PTPRZ1: variants seen among roughly 807,000 people sequenced by gnomAD.
The protein encoded by PTPRZ1 is receptor-type tyrosine-protein phosphatase zeta.
In PTPRZ1, 82 loss-of-function variants were observed where a neutral mutation model predicts 214.1. The ratio of observed to expected loss-of-function variants is 0.38; its 90% CI spans 0.32 to 0.46. The LOEUF (loss-of-function observed/expected upper bound fraction) is 0.46, where lower values mean the gene tolerates loss of function less well. Ranked by LOEUF, PTPRZ1 falls within the 20% of genes least tolerant of loss-of-function variation. The pLI, the probability that PTPRZ1 is intolerant of heterozygous loss-of-function variation, is 1.00. For missense variants in PTPRZ1, 2,603 were observed against 2,748.7 expected, an observed-to-expected ratio of 0.95 and a Z score of 1.19; for synonymous variants, 945 against 987.9, an observed-to-expected ratio of 0.96 and a Z score of 0.81.
chr7:122,034,957 T>A (rs529385157), intron 17 of PTPRZ1, among the ~76,000 whole-genome samples: 1 of 152,282 alleles, frequency 6.6e-6, no homozygotes, highest in East Asian at 1.9e-4. Context: ...TATTTCTCTA[T>A]GAAATTATTG....
intron 10 of PTPRZ1, among the ~76,000 whole-genome samples, chr7:122,004,408 A>G (rs924296929): frequency 2.6e-5 from 4 of 152,158 alleles, no homozygotes; most frequent in African/African-American, 9.7e-5. Context: ...GTAGAGTTAC[A>G]TATAAGCTCA....
intron 13 of PTPRZ1, 116 bp from the exon 14 acceptor site, chr7:122,028,436 T>A: frequency 1.5e-6 from 1 of 680,066 alleles, no homozygotes; most frequent in East Asian, 2.8e-5. Flanking sequence ...CTCTTCTGGG[T>A]ATATACCTGC....
intron 1 of PTPRZ1, among the ~76,000 whole-genome samples, chr7:121,920,518 C>A (rs908357337): frequency 6.6e-6 from 1 of 151,822 alleles, no homozygotes; most frequent in South Asian, 2.1e-4. Flanking sequence ...TGTCTCTGTT[C>A]CTATTATCAC....
At chr7:122,006,642 GA>G (rs970319957) in intron 11 of PTPRZ1, among the ~76,000 whole-genome samples, 5 of 151,964 alleles carry the variant, frequency 3.3e-5, no homozygotes, top group Admixed American at 2.0e-4. Flanking sequence ...AACACAAGCA[GA>G]TCTTCCTGTT....
At chr7:121,888,963 A>G (rs949802992) in intron 1 of PTPRZ1, among the ~76,000 whole-genome samples, 1 of 152,138 alleles carries the variant, frequency 6.6e-6, no homozygotes, top group African/African-American at 2.4e-5. Flanking sequence ...CTTCTGCAGG[A>G]CTTAATTTGG....
intron 8 of PTPRZ1, among the ~76,000 whole-genome samples, chr7:121,985,426 T>C (rs1167432155): frequency 6.6e-6 from 1 of 152,218 alleles, no homozygotes; most frequent in Non-Finnish European, 1.5e-5. Context: ...TGGAATAAAG[T>C]TCAAACTGCT....
intron 1 of PTPRZ1, among the ~76,000 whole-genome samples, chr7:121,893,009 A>G (rs144953732): frequency 6.6e-5 from 10 of 152,170 alleles, no homozygotes; most frequent in African/African-American, 2.4e-4. Context: ...CAAATTTTTA[A>G]CATTTTATTT....
chr7:121,997,806 C>T, intron 9 of PTPRZ1, 74 bp from the exon 10 acceptor site: 2 of 1,360,164 alleles, frequency 1.5e-6, no homozygotes, highest in Non-Finnish European at 2.0e-6. Flanking sequence ...AAAAAGTTTT[C>T]TAGGAAAGAT....
At chr7:122,000,654 T>C (rs1336524796) in intron 10 of PTPRZ1, among the ~76,000 whole-genome samples, 3 of 9,026 alleles carry the variant, frequency 3.3e-4, no homozygotes, top group African/African-American at 8.7e-4. Flanking sequence ...TTCATATATA[T>C]ATATATATAT....
chr7:122,051,590 A>G (rs1446098426), intron 24 of PTPRZ1, 69 bp downstream of exon 24: 3 of 1,328,260 alleles, frequency 2.3e-6, no homozygotes, highest in Non-Finnish European at 3.2e-6. Context: ...AAATTTGGCA[A>G]TATTTGTATA....
chr7:121,946,760 A>G (rs1395662957), intron 2 of PTPRZ1, among the ~76,000 whole-genome samples: 2 of 152,152 alleles, frequency 1.3e-5, no homozygotes, highest in African/African-American at 2.4e-5. Flanking sequence ...AGCAAAAATT[A>G]CCTTTACAGA....
chr7:121,880,891 T>C (rs931866975), intron 1 of PTPRZ1, among the ~76,000 whole-genome samples: 1 of 152,180 alleles, frequency 6.6e-6, no homozygotes, highest in African/African-American at 2.4e-5. Flanking sequence ...AAGGATACCC[T>C]TGAGGAGCAT....
chr7:121,875,140 C>T (rs769123926), intron 1 of PTPRZ1, among the ~76,000 whole-genome samples: 1 of 152,098 alleles, frequency 6.6e-6, no homozygotes, highest in Non-Finnish European at 1.5e-5. Flanking sequence ...GCAGCCATCA[C>T]CACTAATTCC....
intron 1 of PTPRZ1, among the ~76,000 whole-genome samples, chr7:121,927,358 A>G (rs1020016041): frequency 1.3e-5 from 2 of 152,244 alleles, no homozygotes; most frequent in Non-Finnish European, 2.9e-5. Context: ...TCATACAGGA[A>G]GGAGGAGAAT....
At position 122,013,603 on chromosome 7, in the gene PTPRZ1, A is replaced by T. The variant is rs556619584; in HGVS notation, c.4557A>T (p.Lys1519Asn). Residue 1519 changes from lysine to asparagine, a missense_variant, in exon 12 of 30, where the codon AAA becomes AAT. Physicochemically the swap from Lys to Asn is moderately conservative, Grantham distance 94 (BLOSUM62 0). Transcript: ENST00000393386. Reference protein sequence around the residue: ...NGLSQKHNDGKEENDIQTGSA... With the variant: ...NGLSQKHNDGNEENDIQTGSA... Reference sequence around the variant, plus strand: ...TATCCCAAAAGCACAATGATGGAAAAGAGGAAAATGACATTCAGACTGGTA... The same window carrying T: ...TATCCCAAAAGCACAATGATGGAAATGAGGAAAATGACATTCAGACTGGTA... 1.9e-6 allele frequency: 3 copies of T among 1,614,190 alleles called. No homozygotes were observed. The highest frequency in any genetic ancestry group is 2.7e-5 in the African/African-American group (2 of 75,052).
intron 11 of PTPRZ1, among the ~76,000 whole-genome samples, chr7:122,007,435 T>C (rs1798526031): frequency 6.6e-6 from 1 of 152,166 alleles, no homozygotes; most frequent in Non-Finnish European, 1.5e-5. Flanking sequence ...GTTCTTGCTA[T>C]TGAAATTAAC....
rs948180971 is a variant in PTPRZ1 at position 122,011,096 on chromosome 7, G to A, written c.2050G>A (p.Asp684Asn). ...LQTNYTEIRV[D>N]ESEKTTKSFS... The stretch of plus-strand genomic sequence containing the variant: ...GACTAATTACACTGAGATACGTGTT[G>A]ATGAATCTGAGAAGACAACCAAGTC... Residue 684 changes from aspartate to asparagine, a missense_variant, in exon 12 of 30, where the codon GAT (aspartate) becomes AAT (asparagine). Asp to Asn is a conservative substitution (Grantham distance 23). Transcript: ENST00000393386. 1 of 1,614,132 alleles carries A rather than the reference G, an allele frequency of 6.2e-7. No individual in the cohort carries two copies. Among genetic ancestry groups the A allele is most frequent in the Non-Finnish European group, 8.5e-7 (1 of 1,180,020 alleles).
intron 2 of PTPRZ1, among the ~76,000 whole-genome samples, chr7:121,930,369 TTC>T (rs1402223485): frequency 6.6e-6 from 1 of 152,192 alleles, no homozygotes; most frequent in East Asian, 1.9e-4. Flanking sequence ...AAATGGAATT[TTC>T]TTTTTTATTT....
At chr7:121,889,416 GCTGA>G (rs1794511376) in intron 1 of PTPRZ1, among the ~76,000 whole-genome samples, 1 of 152,182 alleles carries the variant, frequency 6.6e-6, no homozygotes, top group Non-Finnish European at 1.5e-5. Flanking sequence ...AATGTTTACA[GCTGA>G]CTGTCACATC....
Sources: allele counts gnomAD v4.1 joint callset (sites outside exome capture counted in the v4.1 genomes callset), GRCh38; gene constraint gnomAD v4.1.1; transcripts MANE v1.5; gene names NCBI Gene and HGNC (gene_info 2026-07-23, HGNC 2026-07-21).